Variants in MYPN observed in about 807,000 individuals in gnomAD.
The protein encoded by MYPN is sarcomeric protein myopalladin, 145 kDa (MYOP).
In MYPN, 63 loss-of-function variants were observed where a neutral mutation model predicts 129.4. That is an observed-to-expected ratio of 0.49 (90% CI 0.40 to 0.60). MYPN has a LOEUF of 0.60. MYPN is among the 20% of genes least tolerant of loss of function. The pLI is 0.00. For missense variants in MYPN, 1,596 were observed against 1,635.4 expected (o/e 0.98, Z 0.42); for synonymous variants, 629 against 600.9 (o/e 1.05, Z -0.68).
In MYPN at chr10:68,148,387, A is replaced by G; in HGVS notation, c.1165A>G (p.Thr389Ala). The G allele has an allele frequency of 1.2e-6, 2 of 1,614,150 alleles. No homozygotes were observed. Among genetic ancestry groups the G allele is most frequent in the Non-Finnish European group, 1.7e-6 (2 of 1,179,972 alleles). The change falls in exon 5 of 20, where the codon ACT becomes GCT. Residue 389 changes from threonine (T) to alanine (A), a missense_variant. Coordinates refer to ENST00000358913, the MANE Select transcript of MYPN (RefSeq NM_032578.4). ...GCCAAATGAGGTGTCATCTCCTCCCACTACCTCTGCAGTCATTCCTCCAGC... is the reference window on the plus strand; with the variant it reads ...GCCAAATGAGGTGTCATCTCCTCCCGCTACCTCTGCAGTCATTCCTCCAGC... ...QKPNEVSSPPTTSAVIPPAVP... is the reference protein window; with the variant it reads ...QKPNEVSSPPATSAVIPPAVP...
chr10:68,094,537 C>G (rs1402585501), intron 1 of MYPN, among the ~76,000 whole-genome samples: 1 of 152,090 alleles, frequency 6.6e-6, no homozygotes, highest in Non-Finnish European at 1.5e-5. Context: ...GCTGGGATTA[C>G]AAGCGTGAGC....
At chr10:68,181,373 T>G (rs1263718468) in intron 12 of MYPN, among the ~76,000 whole-genome samples, 1 of 151,944 alleles carries the variant, frequency 6.6e-6, no homozygotes, top group Non-Finnish European at 1.5e-5. Context: ...CTCACTGCAA[T>G]CTCCGCCTCC....
chr10:68,111,814 G>C (rs1161723602), intron 1 of MYPN, among the ~76,000 whole-genome samples: 1 of 152,198 alleles, frequency 6.6e-6, no homozygotes, highest in Non-Finnish European at 1.5e-5. Flanking sequence ...CACTCTCAGG[G>C]AGGGGCCCAA....
In MYPN at chr10:68,210,602, A is replaced by T. The variant is rs770836566; in HGVS notation, c.*147A>T. ...AAAGAGTGCTTTGAATAAGTCAGCT[A>T]GGGATTCTTGCAGTCTCAGCTGAGG... On this transcript the variant is annotated 3_prime_UTR_variant, in exon 20 of 20. Coordinates refer to ENST00000358913, the MANE Select transcript of MYPN (RefSeq NM_032578.4). The T allele has an allele frequency of 2.2e-6, 2 of 914,326 alleles. No homozygotes were observed. The highest frequency in any genetic ancestry group is 3.7e-5 in the Admixed American group (2 of 53,608). 56.6% of individuals were successfully genotyped at this position (914,326 alleles called of 1,614,324 possible).
intron 1 of MYPN, among the ~76,000 whole-genome samples, chr10:68,117,295 A>AT (rs999418908): frequency 6.6e-6 from 1 of 151,894 alleles, no homozygotes; most frequent in African/African-American, 2.4e-5. Context: ...AAATTCAAAA[A>AT]AAAAAATTTA....
upstream of MYPN, among the ~76,000 whole-genome samples, chr10:68,107,341 C>CTT (rs1217100514): frequency 4.6e-4 from 52 of 113,440 alleles, no homozygotes; most frequent in Middle Eastern, 4.8e-3. Context: ...CTTCTCTTTT[C>CTT]TTTTTTTTTT....
intron 2 of MYPN, among the ~76,000 whole-genome samples, chr10:68,139,330 A>T (rs2042537571): frequency 6.6e-6 from 1 of 152,096 alleles, no homozygotes; most frequent in African/African-American, 2.4e-5. Flanking sequence ...TCTTTGACTA[A>T]TATCCCCAAG....
upstream of MYPN, chr10:68,106,030 C>T (rs1045865012): frequency 1.0e-5 from 4 of 393,082 alleles, no homozygotes; most frequent in African/African-American, 8.4e-5. Context: ...CCTGGATCTG[C>T]AACGGAACCC....
At chr10:68,208,222 A>T (rs1389347947) in intron 19 of MYPN, among the ~76,000 whole-genome samples, 1 of 152,150 alleles carries the variant, frequency 6.6e-6, no homozygotes, top group Non-Finnish European at 1.5e-5. Context: ...GGCTTAACCT[A>T]ATTAGCCAAA....
In MYPN at chr10:68,207,763, G is replaced by T. The variant is rs527833915; in HGVS notation, c.3793+860G>T. Among the ~76,000 whole-genome samples the T allele has an allele frequency of 6.6e-5, 10 of 152,266 alleles. No individual in the cohort carries two copies. In the East Asian group the frequency reaches 1.7e-3, roughly 26 times the overall value. ...ATACCTTTAAATCTCCCAGACCCAT[G>T]AGATTATTATAATTGTAGTTACCTT... On this transcript the variant is annotated intron_variant, in intron 19 of 19. Transcript: ENST00000358913.
intron 1 of MYPN, among the ~76,000 whole-genome samples, chr10:68,115,548 C>A (rs1057176530): frequency 6.6e-6 from 1 of 152,220 alleles, no homozygotes; most frequent in Non-Finnish European, 1.5e-5. Context: ...TTGGTCCAAG[C>A]CACCATCATC....
chr10:68,113,572 C>T (rs1018744276), intron 1 of MYPN, among the ~76,000 whole-genome samples: 2 of 151,916 alleles, frequency 1.3e-5, no homozygotes, highest in Non-Finnish European at 2.9e-5. Flanking sequence ...TAGAAAGCAC[C>T]TGTAGTCCTA....
At chr10:68,189,198 T>C in intron 13 of MYPN, 72 bp downstream of exon 13, 7 of 1,050,882 alleles carry the variant, frequency 6.7e-6, no homozygotes. Flanking sequence ...AGAAGGTCTT[T>C]AAAAAATATA....
intron 10 of MYPN, among the ~76,000 whole-genome samples, chr10:68,167,114 T>G (rs1009558684): frequency 2.0e-5 from 3 of 152,138 alleles, no homozygotes; most frequent in Non-Finnish European, 2.9e-5. Context: ...CAAATGTACA[T>G]CCTTACATCA....
At chr10:68,128,994 C>T (rs1166307020) in intron 2 of MYPN, among the ~76,000 whole-genome samples, 1 of 151,228 alleles carries the variant, frequency 6.6e-6, no homozygotes, top group East Asian at 2.0e-4. Context: ...TCTCTCTCCT[C>T]TCTCTCTCTC....
At chr10:68,175,049 A>G (rs2043205474) in intron 11 of MYPN, among the ~76,000 whole-genome samples, 1 of 152,176 alleles carries the variant, frequency 6.6e-6, no homozygotes, top group South Asian at 2.1e-4. Flanking sequence ...AGGCAGGAGA[A>G]TCATTGAACC....
Position 68,122,076 on chromosome 10 carries a change from T to A in MYPN, c.638T>A (p.Ile213Asn). The change falls in exon 2 of 20, where the codon ATC becomes AAC. Residue 213 changes from isoleucine (I) to asparagine (N), a missense_variant. Ile to Asn is a moderately radical substitution (Grantham distance 149). Transcript: ENST00000358913. ...AGACGAGAAAGATCTTCTGTTCCCA[T>A]CCCTATCCCTGCGGATACCAGGGAT... is the stretch of plus-strand genomic sequence containing the variant. ...SERRERSSVP[I>N]PIPADTRDNE... is the part of the protein sequence containing the mutation. 9.3e-6 allele frequency: 15 copies of A among 1,614,144 alleles called. No individual in the cohort carries two copies. The highest frequency in any genetic ancestry group is 1.3e-5 in the Non-Finnish European group (15 of 1,180,036).
Position 68,194,440 on chromosome 10 carries a change from A to G in MYPN, c.3003A>G (p.Thr1001=), listed in dbSNP as rs2134277927. The G allele has an allele frequency of 4.3e-6, 7 of 1,613,960 alleles. No homozygotes were observed. The highest frequency in any genetic ancestry group is 5.9e-6 in the Non-Finnish European group (7 of 1,179,916). The change falls in exon 14 of 20, where the codon ACA becomes ACG. Residue 1001 remains threonine (T), a synonymous_variant. Transcript: ENST00000358913. ...AAATGAGGCGAGAAGGAGATGGGAC[A>G]TGCTCTCTGCACATTGAATCCACTA... is the stretch of plus-strand genomic sequence containing the variant. ...HCKMRREGDG[T]CSLHIESTTS... is the part of the protein sequence containing the mutation.
intron 14 of MYPN, 60 bp from the exon 15 acceptor site, chr10:68,195,390 G>A: frequency 6.4e-7 from 1 of 1,553,662 alleles, no homozygotes; most frequent in Non-Finnish European, 8.9e-7. Context: ...AAATTTTTAT[G>A]TAAATTGAAA....
Sources: gnomAD v4.1 joint callset for allele counts (sites outside exome capture counted in the v4.1 genomes callset) on GRCh38, gnomAD v4.1.1 for gene constraint, MANE v1.5 for transcripts, NCBI Gene and HGNC (gene_info 2026-07-23, HGNC 2026-07-21) for gene names.